PPP1R12B: variants seen among roughly 807,000 people sequenced by gnomAD.
PPP1R12B encodes the protein myosin phosphatase target subunit 2.
In PPP1R12B, 76 loss-of-function variants were observed where a neutral mutation model predicts 126.1. The ratio of observed to expected loss-of-function variants is 0.60; its 90% CI spans 0.50 to 0.73. The LOEUF is 0.73. Ranked by LOEUF, PPP1R12B falls within the 30% of genes least tolerant of loss-of-function variation. PPP1R12B has a pLI of 0.00. For missense variants in PPP1R12B, 1,052 were observed against 1,205.1 expected (o/e 0.87, Z 1.88); for synonymous variants, 356 against 434.7 (o/e 0.82, Z 2.25).
At chr1:202,442,346 T>G in intron 11 of PPP1R12B, 101 bp from the exon 12 acceptor site, 1 of 1,296,612 alleles carries the variant, frequency 7.7e-7, no homozygotes, top group Non-Finnish European at 1.1e-6. Context: ...CTATTAGCCA[T>G]GTTATAGTTT....
At chr1:202,365,401 A>G (rs1053075146) in intron 1 of PPP1R12B, among the ~76,000 whole-genome samples, 1 of 152,166 alleles carries the variant, frequency 6.6e-6, no homozygotes, top group Admixed American at 6.5e-5. Flanking sequence ...ACTGCATTCC[A>G]GACTAGGCAA....
intron 17 of PPP1R12B, 135 bp downstream of exon 17, chr1:202,495,817 GAAGA>G: frequency 1.3e-6 from 1 of 757,782 alleles, no homozygotes; most frequent in Non-Finnish European, 2.1e-6. Context: ...GAGGAAAAGA[GAAGA>G]AAGACCTAAC....
chr1:202,531,908 G>A (rs1342877854), intron 18 of PPP1R12B, among the ~76,000 whole-genome samples: 4 of 152,188 alleles, frequency 2.6e-5, no homozygotes, highest in African/African-American at 9.7e-5. Context: ...TAGATCTCAC[G>A]CAAGAAAGAA....
intron 13 of PPP1R12B, among the ~76,000 whole-genome samples, chr1:202,479,921 A>G (rs1048777391): frequency 2.0e-5 from 3 of 152,214 alleles, no homozygotes; most frequent in African/African-American, 2.4e-5. Flanking sequence ...GCCAGGGGGA[A>G]AAAATATCCT....
intron 18 of PPP1R12B, among the ~76,000 whole-genome samples, chr1:202,526,810 C>T (rs1289539728): frequency 6.6e-6 from 1 of 151,970 alleles, no homozygotes; most frequent in Non-Finnish European, 1.5e-5. Context: ...GAAAAGAATA[C>T]TTCTGAAAAG....
At chr1:202,447,310 A>G (rs540272937) in intron 12 of PPP1R12B, among the ~76,000 whole-genome samples, 72 of 152,346 alleles carry the variant, frequency 4.7e-4, no homozygotes, top group Admixed American at 6.5e-4. Flanking sequence ...TCACACAGCT[A>G]GTGAGGGCCT....
At chr1:202,389,661 G>A (rs912220929) in intron 1 of PPP1R12B, among the ~76,000 whole-genome samples, 4 of 151,960 alleles carry the variant, frequency 2.6e-5, no homozygotes, top group South Asian at 4.1e-4. Flanking sequence ...ATGGAAGGCC[G>A]GGCGAGGTGG....
chr1:202,438,344 C>T (rs2148682528), intron 10 of PPP1R12B: 6 of 1,102,962 alleles, frequency 5.4e-6, no homozygotes, highest in East Asian at 3.0e-5. Context: ...GGGCACAGGA[C>T]CCCAGGTAGG....
At position 202,505,132 on chromosome 1, in the gene PPP1R12B, G is replaced by A. The variant is rs145363890; in HGVS notation, c.2490+8310G>A. 6.0e-4 allele frequency among the ~76,000 whole-genome samples: 91 copies of A among 152,310 alleles called. 2 individuals are homozygous for A. The East Asian group carries it at 0.017, about 28-fold the overall frequency. Reference sequence around the variant, plus strand: ...TAACTGAAGAATTTTGAGGAATAAGGTTTAAAGGAGATTGCTGAAGTAGGG... The same window carrying A: ...TAACTGAAGAATTTTGAGGAATAAGATTTAAAGGAGATTGCTGAAGTAGGG... On this transcript the variant is annotated intron_variant, in intron 18 of 23. Transcript: ENST00000608999.
intron 23 of PPP1R12B, 108 bp from the exon 24 acceptor site, chr1:202,580,366 C>A: frequency 1.3e-6 from 1 of 757,596 alleles, no homozygotes; most frequent in Non-Finnish European, 2.3e-6. Context: ...GTTTATTCCA[C>A]ACATTGTCTC....
chr1:202,390,851 C>G (rs982216498), intron 1 of PPP1R12B, among the ~76,000 whole-genome samples: 7 of 152,052 alleles, frequency 4.6e-5, no homozygotes, highest in Non-Finnish European at 8.8e-5. Flanking sequence ...CACTTGAGTC[C>G]TGGAGTTCAA....
At chr1:202,405,889 A>G (rs1436683717) in intron 1 of PPP1R12B, among the ~76,000 whole-genome samples, 1 of 152,210 alleles carries the variant, frequency 6.6e-6, no homozygotes, top group Admixed American at 6.5e-5. Flanking sequence ...GACTATATAA[A>G]ACGCTTGATG....
intron 1 of PPP1R12B, among the ~76,000 whole-genome samples, chr1:202,388,507 A>G (rs1045401145): frequency 5.9e-5 from 9 of 152,284 alleles, no homozygotes; most frequent in African/African-American, 2.2e-4. Flanking sequence ...CGCCCAGCCT[A>G]TAAAACTTGT....
chr1:202,551,280 C>T (rs1686288383), intron 18 of PPP1R12B, among the ~76,000 whole-genome samples: 1 of 152,098 alleles, frequency 6.6e-6, no homozygotes, highest in African/African-American at 2.4e-5. Context: ...TCAGTAAAGA[C>T]AAATCAAGAC....
At chr1:202,426,375 C>T (rs1669508762) in intron 4 of PPP1R12B, among the ~76,000 whole-genome samples, 2 of 152,160 alleles carry the variant, frequency 1.3e-5, no homozygotes, top group Admixed American at 6.5e-5. Context: ...TGCTCCATTT[C>T]TGCCTGATAG....
intron 10 of PPP1R12B, chr1:202,439,284 C>G (rs956618980): frequency 7.0e-6 from 10 of 1,426,030 alleles, no homozygotes; most frequent in African/African-American, 2.8e-5. Flanking sequence ...ACTGGCCCAG[C>G]AGGGTGAGTA....
At chr1:202,406,779 A>C (rs879524032) in intron 1 of PPP1R12B, among the ~76,000 whole-genome samples, 1 of 152,106 alleles carries the variant, frequency 6.6e-6, no homozygotes, top group Admixed American at 6.5e-5. Flanking sequence ...GTATCATTCC[A>C]TTACTTAGTG....
intron 19 of PPP1R12B, among the ~76,000 whole-genome samples, chr1:202,559,934 A>G (rs10800840): frequency 0.43 from 65,810 of 151,980 alleles, 15,594 homozygotes; most frequent in East Asian, 0.7. Context: ...ATGCTATGAA[A>G]CTGTACCAAT....
intron 1 of PPP1R12B, among the ~76,000 whole-genome samples, chr1:202,360,707 C>T (rs1395950024): frequency 1.4e-5 from 2 of 146,824 alleles, no homozygotes; most frequent in Non-Finnish European, 3.0e-5. Flanking sequence ...GAAACTCCGT[C>T]TCAAAAAAAA....
Sources: allele counts gnomAD v4.1 joint callset (sites outside exome capture counted in the v4.1 genomes callset), GRCh38; gene constraint gnomAD v4.1.1; transcripts MANE v1.5; gene names NCBI Gene and HGNC (gene_info 2026-07-23, HGNC 2026-07-21).